DIAPH1: variants seen among roughly 807,000 people sequenced by gnomAD.
DIAPH1 encodes the protein diaphanous related formin 1.
A neutral mutation model predicts 140.7 loss-of-function variants in DIAPH1; 46 were observed. The observed-to-expected ratio is 0.33, with a 90% confidence interval of 0.26 to 0.42. The LOEUF (loss-of-function observed/expected upper bound fraction) is 0.42. DIAPH1 is among the 10% of genes least tolerant of loss of function. The probability of loss-of-function intolerance (pLI) is 1.00; values close to 1 mark genes in which losing one functional copy is unlikely to be tolerated. For missense variants in DIAPH1, 1,310 were observed against 1,558.7 expected (o/e 0.84, Z 2.69); for synonymous variants, 565 against 551.6 (o/e 1.02, Z -0.34).
chr5:141,580,218 T>G (rs548725091), intron 8 of DIAPH1, among the ~76,000 whole-genome samples: 51 of 152,292 alleles, frequency 3.3e-4, no homozygotes, highest in Admixed American at 2.0e-4. Context: ...TAGGCATAAG[T>G]GTCATTCCTC....
intron 1 of DIAPH1, among the ~76,000 whole-genome samples, chr5:141,617,850 G>C (rs148439694): frequency 6.6e-6 from 1 of 152,354 alleles, no homozygotes; most frequent in Non-Finnish European, 1.5e-5. Flanking sequence ...CGGATTGAAA[G>C]TAACTGGCAC....
chr5:141,528,373 G>T, intron 23 of DIAPH1, 80 bp downstream of exon 23: 1 of 1,591,132 alleles, frequency 6.3e-7, no homozygotes. Context: ...AACTGAAAAT[G>T]CTCTCACATC....
At chr5:141,615,511 G>T (rs2099902530) in intron 1 of DIAPH1, among the ~76,000 whole-genome samples, 1 of 151,930 alleles carries the variant, frequency 6.6e-6, no homozygotes, top group Non-Finnish European at 1.5e-5. Flanking sequence ...GGAGGCCGAG[G>T]TGGGCAGATC....
intron 18 of DIAPH1, among the ~76,000 whole-genome samples, chr5:141,568,294 A>C (rs533281139): frequency 4.1e-4 from 63 of 152,132 alleles, no homozygotes; most frequent in African/African-American, 1.4e-3. Context: ...ATGAAACAAA[A>C]AAAAAAAAAA....
chr5:141,564,170 T>C (rs2099894023), intron 18 of DIAPH1: 3 of 152,340 alleles, frequency 2.0e-5, no homozygotes, highest in African/African-American at 7.2e-5. Context: ...TTGCTACTAT[T>C]GAAAATACTA....
rs143763573 is a variant in DIAPH1 at position 141,527,619 on chromosome 5, A to C, written c.3227T>G (p.Phe1076Cys). 7.7e-4 allele frequency: 1,240 copies of C among 1,612,698 alleles called. 11 individuals carry two copies. In the African/African-American group the frequency reaches 0.013, roughly 17 times the overall value. ...ISDVERDVQN[F>C]PAATDEKDKF... is the part of the protein sequence containing the mutation. ...GTCTTTTTCATCTGTGGCAGCTGGG[A>C]AATTCTGAACATCACGTTCCACATC... is the stretch of plus-strand genomic sequence containing the variant. The change falls in exon 24 of 28, where the codon TTC (phenylalanine) becomes TGC (cysteine). Residue 1076 changes from phenylalanine (F) to cysteine (C), a missense_variant. Phe to Cys is a radical substitution (Grantham distance 205). Transcript: ENST00000389054.
In DIAPH1 at chr5:141,526,138, T is replaced by C. The variant is rs1251736510; in HGVS notation, c.3474A>G (p.Thr1158=). The change falls in exon 26 of 28, where the codon ACA becomes ACG. Residue 1158 remains threonine, a synonymous_variant. Transcript: ENST00000389054. ...GTTTTGCTCGCCTCATCTTTTCTTCTGTCTCCCGCCGCTTCTGGTTCTCCT... is the reference window on the plus strand; with the variant it reads ...GTTTTGCTCGCCTCATCTTTTCTTCCGTCTCCCGCCGCTTCTGGTTCTCCT... ...AVKENQKRRE[T]EEKMRRAKLA... 1.2e-6 allele frequency: 2 copies of C among 1,614,160 alleles called. No individual in the cohort carries two copies. The highest frequency in any genetic ancestry group is 2.2e-5 in the South Asian group (2 of 91,086).
intron 27 of DIAPH1, among the ~76,000 whole-genome samples, chr5:141,517,271 C>T (rs1324493359): frequency 6.6e-6 from 1 of 152,192 alleles, no homozygotes; most frequent in African/African-American, 2.4e-5. Flanking sequence ...AAAGTTTGAA[C>T]ACAGACAGAC....
chr5:141,526,097 G>A lies in DIAPH1; in HGVS notation c.3515C>T (p.Ala1172Val). The change falls in exon 26 of 28, where the codon GCA (alanine) becomes GTA (valine). Residue 1172 changes from alanine to valine, a missense_variant. Ala to Val is a moderately conservative substitution (Grantham distance 64). Around this residue, in one of 3 missense-constraint regions of DIAPH1, gnomAD observed 344 missense variants for 512.2 expected, o/e 0.67. Transcript: ENST00000389054. The part of the protein sequence containing the change: ...MRRAKLAKEK[A>V]EKERLEKQQK... ...CTGCTTCTCTAGCCGCTCCTTCTCT[G>A]CCTTCTCCTTGGCTAGTTTTGCTCG... 6.2e-7 allele frequency: 1 copy of A among 1,614,032 alleles called. No homozygotes were observed. Among genetic ancestry groups the A allele is most frequent in the South Asian group, 1.1e-5 (1 of 91,082 alleles).
At chr5:141,548,392 A>C (rs968263171) in intron 18 of DIAPH1, among the ~76,000 whole-genome samples, 12 of 152,194 alleles carry the variant, frequency 7.9e-5, no homozygotes, top group Admixed American at 7.2e-4. Context: ...TAAAGGGAGT[A>C]TTTATTCAGG....
At chr5:141,613,828 T>C (rs1214978618) in intron 1 of DIAPH1, among the ~76,000 whole-genome samples, 1 of 152,204 alleles carries the variant, frequency 6.6e-6, no homozygotes. Context: ...ATTCTTTACT[T>C]TTCAATTTTA....
chr5:141,610,957 T>G (rs2099901741), intron 1 of DIAPH1, among the ~76,000 whole-genome samples: 1 of 151,530 alleles, frequency 6.6e-6, no homozygotes, highest in African/African-American at 2.4e-5. Context: ...GGCATTGTGG[T>G]GCATGCCGGT....
intron 18 of DIAPH1, among the ~76,000 whole-genome samples, chr5:141,550,292 C>T (rs1277022920): frequency 6.6e-6 from 1 of 152,166 alleles, no homozygotes; most frequent in East Asian, 1.9e-4. Flanking sequence ...AACTGATGGA[C>T]ACGTTAAGGT....
At chr5:141,522,889 G>A (rs2099886778) in intron 27 of DIAPH1, among the ~76,000 whole-genome samples, 1 of 152,132 alleles carries the variant, frequency 6.6e-6, no homozygotes, top group East Asian at 1.9e-4. Flanking sequence ...TCAGTTTGGG[G>A]AACATTCTGA....
At chr5:141,613,611 G>C (rs1477783995) in intron 1 of DIAPH1, among the ~76,000 whole-genome samples, 1 of 152,142 alleles carries the variant, frequency 6.6e-6, no homozygotes. Context: ...ACCATTCACA[G>C]TAAGATTTAA....
chr5:141,529,004 C>T lies in DIAPH1; in HGVS notation c.2779-63G>A, dbSNP rs1327245396. On this transcript the variant is annotated intron_variant, in intron 21 of 27. Transcript: ENST00000389054. ...GAGGGGGAAGTCAGAAAAAGATACA[C>T]GCTTGAGCCTCCTATGGGAGGATCA... 1.4e-5 allele frequency: 23 copies of T among 1,611,442 alleles called. No individual in the cohort carries two copies. In the East Asian group the frequency reaches 1.6e-4, roughly 11 times the overall value.
intron 14 of DIAPH1, among the ~76,000 whole-genome samples, chr5:141,575,698 A>G (rs1345856466): frequency 1.3e-5 from 2 of 152,128 alleles, no homozygotes; most frequent in African/African-American, 4.8e-5. Flanking sequence ...AGGTTAAAGG[A>G]GAGGGGAATC....
chr5:141,578,181 A>G (rs1248212288), intron 11 of DIAPH1, 44 bp downstream of exon 11: 2 of 1,405,400 alleles, frequency 1.4e-6, no homozygotes, highest in African/African-American at 2.8e-5. Flanking sequence ...AACTAAATAC[A>G]ATGAATGTCT....
chr5:141,593,501 T>C (rs768732416), intron 1 of DIAPH1, among the ~76,000 whole-genome samples: 6 of 152,160 alleles, frequency 3.9e-5, no homozygotes, highest in Non-Finnish European at 7.4e-5. Flanking sequence ...AGGTTGGAAG[T>C]GTCTTCTCTG....
Sources: allele counts gnomAD v4.1 joint callset (sites outside exome capture counted in the v4.1 genomes callset), GRCh38; gene constraint gnomAD v4.1.1; regional missense constraint gnomAD v4.1.1; transcripts MANE v1.5; gene names NCBI Gene and HGNC (gene_info 2026-07-23, HGNC 2026-07-21).